Variants in PCDH11X observed in about 807,000 individuals in gnomAD.
PCDH11X encodes the protein protocadherin-11 X-linked.
Under a neutral mutation model 53.3 loss-of-function variants are expected in PCDH11X, and 18 were observed. The ratio of observed to expected loss-of-function variants is 0.34; its 90% CI spans 0.23 to 0.50. The LOEUF is 0.50. Among genes scored for constraint, PCDH11X ranks in the 20% least tolerant of loss-of-function variants. The pLI is 0.98. For missense variants in PCDH11X, 570 were observed against 1,032.4 expected (o/e 0.55, Z 6.14); for synonymous variants, 279 against 393.3 (o/e 0.71, Z 3.44).
At chrX:92,507,161 C>G (rs2074078736) in intron 10 of PCDH11X, among the ~76,000 whole-genome samples, 1 of 109,843 alleles carries the variant, frequency 9.1e-6, no homozygotes, top group Non-Finnish European at 1.9e-5. Flanking sequence ...TTTGTTCTTT[C>G]AAAAAACAAA....
rs1041988867 is a variant in PCDH11X at position 92,621,932 on chromosome X, A to C, written c.*2992A>C. 9.3e-6 allele frequency: 1 copy of C among 107,526 alleles called. No homozygotes were observed. The highest frequency in any genetic ancestry group is 3.4e-5 in the African/African-American group (1 of 29,456). The allele number at this position is 107,526 out of a possible 1,213,427, so 8.9% of individuals were successfully genotyped here. A position where few individuals can be genotyped will look rare whatever the true frequency, so the allele number is the denominator to read the frequency against. On this transcript the variant is annotated 3_prime_UTR_variant, in exon 11 of 11. Coordinates refer to ENST00000682573, the MANE Select transcript of PCDH11X (RefSeq NM_032968.5). Reference sequence around the variant, plus strand: ...ATTAGATTGTGATTATTAATTTTCTAGCTATGGTATTACTATATCACACTT... The same window carrying C: ...ATTAGATTGTGATTATTAATTTTCTCGCTATGGTATTACTATATCACACTT...
Position 92,559,437 on chromosome X carries a change from C to A in PCDH11X, c.3368-58827C>A, listed in dbSNP as rs968162899. Among the ~76,000 whole-genome samples, 241 of 72,521 alleles carry A rather than the reference C, an allele frequency of 3.3e-3. 1 individual carries two copies. The highest frequency in any genetic ancestry group is 0.012 in the African/African-American group (234 of 19,141). The allele number at this position is 72,521 out of a possible 115,157, so 63.0% of individuals were successfully genotyped here. ...AGGAATACCAAATTTTAACAAGTATCTTTACACACACACACACACACACAC... is the reference window on the plus strand; with the variant it reads ...AGGAATACCAAATTTTAACAAGTATATTTACACACACACACACACACACAC... On this transcript the variant is annotated intron_variant, in intron 10 of 10. Coordinates refer to ENST00000682573, the MANE Select transcript of PCDH11X (RefSeq NM_032968.5).
At chrX:92,410,933 A>G (rs1251628436) in intron 9 of PCDH11X, among the ~76,000 whole-genome samples, 1 of 109,770 alleles carries the variant, frequency 9.1e-6, no homozygotes, top group Non-Finnish European at 1.9e-5. Flanking sequence ...AAGAACCTGC[A>G]AACTCTGTAA....
chrX:91,914,944 T>C, intron 6 of PCDH11X, among the ~76,000 whole-genome samples: 1 of 111,206 alleles, frequency 9.0e-6, no homozygotes, highest in Middle Eastern at 4.6e-3. Context: ...CATGTAGTCA[T>C]CAGGTTATCT....
chrX:92,216,358 G>A (rs1376809058), intron 7 of PCDH11X, among the ~76,000 whole-genome samples: 1 of 106,859 alleles, frequency 9.4e-6, no homozygotes, highest in African/African-American at 3.4e-5. Flanking sequence ...AGTGCTTAAA[G>A]GAGCTGATGG....
chrX:92,409,053 T>G (rs1569482268), intron 9 of PCDH11X, among the ~76,000 whole-genome samples: 1 of 103,599 alleles, frequency 9.7e-6, no homozygotes, highest in African/African-American at 3.8e-5. Context: ...TTATATACTT[T>G]CTGAGAACTA....
At chrX:92,093,507 C>G (rs1224850192) in intron 6 of PCDH11X, among the ~76,000 whole-genome samples, 1 of 111,451 alleles carries the variant, frequency 9.0e-6, no homozygotes, top group African/African-American at 3.3e-5. Flanking sequence ...CTGTGGACAA[C>G]AGGGTTCCAG....
At chrX:92,572,944 A>G (rs1465311118) in intron 10 of PCDH11X, among the ~76,000 whole-genome samples, 1 of 110,351 alleles carries the variant, frequency 9.1e-6, no homozygotes, top group African/African-American at 3.3e-5. Flanking sequence ...GAATTAATTC[A>G]TATTATTTTT....
chrX:91,981,512 A>G (rs143253113), intron 6 of PCDH11X, among the ~76,000 whole-genome samples: 13,787 of 111,286 alleles, frequency 0.12, 972 homozygotes, highest in African/African-American at 0.26. Flanking sequence ...ATGATTCATT[A>G]GAAAAAAAAT....
intron 8 of PCDH11X, among the ~76,000 whole-genome samples, chrX:92,306,793 C>T (rs1019206910): frequency 2.7e-5 from 3 of 110,743 alleles, no homozygotes; most frequent in Admixed American, 1.9e-4. Context: ...TACACACACA[C>T]ACACAAATTA....
chrX:91,915,044 C>T (rs971474041), intron 6 of PCDH11X, among the ~76,000 whole-genome samples: 9 of 107,989 alleles, frequency 8.3e-5, no homozygotes, highest in African/African-American at 3.0e-4. Context: ...TAACAGCAGA[C>T]CTCTCAGCAG....
At chrX:92,495,425 C>T (rs2073844272) in intron 10 of PCDH11X, among the ~76,000 whole-genome samples, 1 of 109,221 alleles carries the variant, frequency 9.2e-6, no homozygotes, top group Non-Finnish European at 1.9e-5. Flanking sequence ...TCCATTTCTC[C>T]TCCTTGAGGT....
At chrX:91,928,983 A>G (rs1239384406) in intron 6 of PCDH11X, among the ~76,000 whole-genome samples, 1 of 110,873 alleles carries the variant, frequency 9.0e-6, no homozygotes, top group African/African-American at 3.3e-5. Context: ...GTATATATAG[A>G]TGTCTTAGGA....
At chrX:92,472,347 A>C (rs950271936) in intron 10 of PCDH11X, among the ~76,000 whole-genome samples, 1 of 105,437 alleles carries the variant, frequency 9.5e-6, no homozygotes, top group Admixed American at 1.0e-4. Context: ...CCATTTATTG[A>C]ATAGAAAATC....
intron 6 of PCDH11X, among the ~76,000 whole-genome samples, chrX:91,963,268 T>G (rs1465125147): frequency 1.8e-5 from 2 of 111,180 alleles, no homozygotes; most frequent in African/African-American, 6.6e-5. Flanking sequence ...TACATAAAAC[T>G]TAATGCTTTT....
At chrX:91,854,021 G>A (rs1938183856) in intron 5 of PCDH11X, among the ~76,000 whole-genome samples, 2 of 111,149 alleles carry the variant, frequency 1.8e-5, no homozygotes, top group South Asian at 3.8e-4. Flanking sequence ...ACAATCCAAT[G>A]ATACTTTTAG....
intron 6 of PCDH11X, among the ~76,000 whole-genome samples, chrX:92,150,967 T>C (rs998871948): frequency 9.0e-6 from 1 of 111,180 alleles, no homozygotes; most frequent in African/African-American, 3.3e-5. Context: ...CTGTTTTGTT[T>C]GTTTGCTTGT....
rs1485690184 is a variant in PCDH11X at position 92,146,051 on chromosome X, T to C, written c.3034-55324T>C. ...ATAAGAGACAACCTCTGAATATTTTTCTTTCATCAAAATCATAAAACCTAG... is the reference window on the plus strand; with the variant it reads ...ATAAGAGACAACCTCTGAATATTTTCCTTTCATCAAAATCATAAAACCTAG... On this transcript the variant is annotated intron_variant, in intron 6 of 10. Transcript: ENST00000682573. Among the ~76,000 whole-genome samples the C allele has an allele frequency of 2.8e-5, 3 of 108,831 alleles. No individual in the cohort carries two copies. In the Admixed American group the frequency reaches 3.0e-4, roughly 11 times the overall value. The allele number at this position is 108,831 out of a possible 115,157, so 94.5% of individuals were successfully genotyped here. A position where few individuals can be genotyped will look rare whatever the true frequency, so the allele number is the denominator to read the frequency against.
chrX:92,585,411 G>A (rs1056182219), intron 10 of PCDH11X, among the ~76,000 whole-genome samples: 5 of 97,643 alleles, frequency 5.1e-5, no homozygotes, highest in African/African-American at 7.9e-5. Flanking sequence ...TCGCTCTGTC[G>A]CCCAGGCTGG....
Sources: allele counts gnomAD v4.1 joint callset (sites outside exome capture counted in the v4.1 genomes callset), GRCh38; gene constraint gnomAD v4.1.1; transcripts MANE v1.5; gene names NCBI Gene and HGNC (gene_info 2026-07-23, HGNC 2026-07-21).